CNTLN: variants seen among roughly 807,000 people sequenced by gnomAD.
The protein encoded by CNTLN is centlein, centrosomal protein.
Under a neutral mutation model 180.0 loss-of-function variants are expected in CNTLN, and 212 were observed. That is an observed-to-expected ratio of 1.18 (90% CI 1.05 to 1.32). The LOEUF is 1.32. Ranked by LOEUF, CNTLN falls within the 40% of genes most tolerant of loss-of-function variation. CNTLN has a pLI of 0.00. For synonymous variants in CNTLN, 722 were observed against 563.1 expected (o/e 1.28, Z -3.99); for missense variants, 2,095 against 1,610.9 (o/e 1.30, Z -5.14).
rs954545604 is a variant in CNTLN at position 17,503,865 on chromosome 9, G to A, written c.*1213G>A. 4 of 152,614 alleles carry A rather than the reference G, an allele frequency of 2.6e-5. No homozygotes were observed. The highest frequency in any genetic ancestry group is 2.0e-4 in the Admixed American group (3 of 15,272). The allele number at this position is 152,614 out of a possible 1,614,324, so 9.5% of individuals were successfully genotyped here. A position where few individuals can be genotyped will look rare whatever the true frequency, so the allele number is the denominator to read the frequency against. On this transcript the variant is annotated 3_prime_UTR_variant, in exon 26 of 26. Coordinates refer to ENST00000380647, the MANE Select transcript of CNTLN (RefSeq NM_017738.4). ...AAAGGAGAATAATATTTTGTAGCAT[G>A]TGAAAATTATATAAAATTCAAATTT...
chr9:17,304,371 A>G (rs1818567903), intron 7 of CNTLN, among the ~76,000 whole-genome samples: 1 of 152,162 alleles, frequency 6.6e-6, no homozygotes, highest in South Asian at 2.1e-4. Flanking sequence ...CTGCACCTTT[A>G]TATATGTGTA....
chr9:17,520,621 C>T, the CNTLN span, among the ~76,000 whole-genome samples: 1 of 152,206 alleles, frequency 6.6e-6, no homozygotes, highest in African/African-American at 2.4e-5. Flanking sequence ...TAGTTAATTA[C>T]ACATGAAAAG....
At chr9:17,167,934 C>T (rs575303443) in intron 2 of CNTLN, 7 of 151,588 alleles carry the variant, frequency 4.6e-5, no homozygotes, top group South Asian at 2.1e-4. Flanking sequence ...GAGAGGGGCT[C>T]CCTGGCAAGT....
At chr9:17,246,671 C>T (rs575669054) in intron 5 of CNTLN, among the ~76,000 whole-genome samples, 9 of 152,224 alleles carry the variant, frequency 5.9e-5, no homozygotes, top group South Asian at 2.1e-4. Context: ...AGAAGCCATC[C>T]GGGAGTCAGG....
At chr9:17,208,786 T>A (rs939690080) in intron 2 of CNTLN, among the ~76,000 whole-genome samples, 1 of 152,164 alleles carries the variant, frequency 6.6e-6, no homozygotes, top group African/African-American at 2.4e-5. Context: ...TCCTTTGAAT[T>A]TCTGTGGTAT....
At chr9:17,260,226 G>A (rs990236670) in intron 5 of CNTLN, among the ~76,000 whole-genome samples, 17 of 149,292 alleles carry the variant, frequency 1.1e-4, no homozygotes, top group East Asian at 9.9e-4. Flanking sequence ...CCTTCATTTC[G>A]TTATGTACCC....
intron 8 of CNTLN, among the ~76,000 whole-genome samples, chr9:17,328,823 A>AT (rs1424315314): frequency 6.6e-6 from 1 of 152,038 alleles, no homozygotes; most frequent in Non-Finnish European, 1.5e-5. Context: ...AAGTTCTCTG[A>AT]TTTTTTATTG....
At position 17,409,188 on chromosome 9, in the gene CNTLN, T is replaced by TTGTA. The variant is rs1013137160; in HGVS notation, c.2616-104_2616-103insGTAT. The TTGTA allele has an allele frequency of 7.1e-5, 76 of 1,063,650 alleles. No homozygotes were observed. In the African/African-American group the frequency reaches 1.1e-3, roughly 15 times the overall value. 65.9% of individuals were successfully genotyped at this position (1,063,650 alleles called of 1,614,324 possible). On this transcript the variant is annotated intron_variant, in intron 15 of 25. Coordinates refer to ENST00000380647, the MANE Select transcript of CNTLN (RefSeq NM_017738.4). Reference sequence around the variant, plus strand: ...TAAATGCCCACGTTAAACTTGCAGTTTTATATACAATCTATGCTAAAATAT... The same window carrying TTGTA: ...TAAATGCCCACGTTAAACTTGCAGTTTGTATTATATACAATCTATGCTAAAATAT...
chr9:17,223,494 G>A (rs10810738), intron 2 of CNTLN, among the ~76,000 whole-genome samples: 46,176 of 151,804 alleles, frequency 0.3, 9,021 homozygotes, highest in East Asian at 0.59. Context: ...GATAATGTCT[G>A]CTCCATTCTT....
At chr9:17,506,260 A>G (rs2134443942), downstream of CNTLN, among the ~76,000 whole-genome samples, 1 of 152,226 alleles carries the variant, frequency 6.6e-6, no homozygotes, top group East Asian at 1.9e-4. Context: ...CAAAAAAGAA[A>G]AATTGATAAG....
intron 12 of CNTLN, among the ~76,000 whole-genome samples, chr9:17,359,355 A>T (rs1457530057): frequency 6.6e-6 from 1 of 152,016 alleles, no homozygotes; most frequent in African/African-American, 2.4e-5. Flanking sequence ...ACTAAATAGA[A>T]ATGAAAAATT....
chr9:17,226,137 G>C, intron 2 of CNTLN, 66 bp from the exon 3 acceptor site: 1 of 744,694 alleles, frequency 1.3e-6, no homozygotes, highest in Non-Finnish European at 2.1e-6. Context: ...TTAATATTTG[G>C]GATATGAAAA....
At chr9:17,461,324 G>C (rs544765376) in intron 19 of CNTLN, among the ~76,000 whole-genome samples, 1 of 151,680 alleles carries the variant, frequency 6.6e-6, no homozygotes, top group African/African-American at 2.4e-5. Context: ...AAATTGACTA[G>C]TGTGACTAGT....
At chr9:17,289,916 T>G (rs1485305298) in intron 6 of CNTLN, among the ~76,000 whole-genome samples, 3 of 144,594 alleles carry the variant, frequency 2.1e-5, no homozygotes, top group Non-Finnish European at 4.5e-5. Flanking sequence ...TCTTCTAAAT[T>G]TTTTTCAAAG....
chr9:17,300,316 C>A (rs2132816790), intron 7 of CNTLN: 1 of 152,210 alleles, frequency 6.6e-6, no homozygotes, highest in South Asian at 2.1e-4. Context: ...TGTCTATAGG[C>A]TGATGATTCC....
intron 2 of CNTLN, among the ~76,000 whole-genome samples, chr9:17,189,202 C>A (rs1036310037): frequency 6.8e-6 from 1 of 147,920 alleles, no homozygotes; most frequent in Non-Finnish European, 1.5e-5. Flanking sequence ...CCTGCCTCAG[C>A]TTCTGGAGTA....
At chr9:17,179,657 G>A (rs920246892) in intron 2 of CNTLN, among the ~76,000 whole-genome samples, 1 of 152,148 alleles carries the variant, frequency 6.6e-6, no homozygotes, top group African/African-American at 2.4e-5. Flanking sequence ...TTGGTGGATT[G>A]TTCCATAAAT....
the CNTLN span, among the ~76,000 whole-genome samples, chr9:17,523,872 T>C: frequency 6.6e-6 from 1 of 152,220 alleles, no homozygotes; most frequent in African/African-American, 2.4e-5. Flanking sequence ...CACTCATCAG[T>C]TGAACATATT....
intron 13 of CNTLN, among the ~76,000 whole-genome samples, chr9:17,373,032 A>G (rs1470320961): frequency 6.6e-6 from 1 of 152,218 alleles, no homozygotes; most frequent in Middle Eastern, 3.2e-3. Flanking sequence ...ATCATATTGA[A>G]TCAGGAAAAA....
Sources: allele counts gnomAD v4.1 joint callset (sites outside exome capture counted in the v4.1 genomes callset), GRCh38; gene constraint gnomAD v4.1.1; transcripts MANE v1.5; gene names NCBI Gene and HGNC (gene_info 2026-07-23, HGNC 2026-07-21).